The following SOX5 variants were observed in gnomAD, a reference collection of about 807,000 sequenced individuals.
SOX5 encodes transcription factor SOX-5.
SOX5 carries 9 observed loss-of-function variants against 92.0 expected under a neutral mutation model. The ratio of observed to expected loss-of-function variants is 0.10; its 90% CI spans 0.06 to 0.17. The LOEUF is 0.17. Ranked by LOEUF, SOX5 falls within the 10% of genes least tolerant of loss-of-function variation. The probability of loss-of-function intolerance (pLI) is 1.00; values close to 1 mark genes in which losing one functional copy is unlikely to be tolerated. For synonymous variants in SOX5, 344 were observed against 336.3 expected (o/e 1.02, Z -0.25); for missense variants, 642 against 944.5 (o/e 0.68, Z 4.20).
At chr12:23,693,173 A>C (rs186472256) in intron 6 of SOX5, among the ~76,000 whole-genome samples, 41 of 152,224 alleles carry the variant, frequency 2.7e-4, no homozygotes, top group African/African-American at 8.2e-4. Context: ...CCCAGGCTGG[A>C]GTGCAAGTGG....
chr12:24,333,675 C>T (rs79935168), intron 2 of SOX5, among the ~76,000 whole-genome samples: 2,859 of 151,988 alleles, frequency 0.019, 99 homozygotes, highest in African/African-American at 0.065. Flanking sequence ...ATACAACAGG[C>T]TAGCAAAACA....
chr12:24,328,260 C>T (rs912982269), intron 2 of SOX5, among the ~76,000 whole-genome samples: 3 of 152,166 alleles, frequency 2.0e-5, no homozygotes, highest in African/African-American at 7.2e-5. Context: ...ATATTTGAAA[C>T]CTTAACAATA....
At chr12:23,576,548 C>T (rs1282111795) in intron 9 of SOX5, among the ~76,000 whole-genome samples, 1 of 152,062 alleles carries the variant, frequency 6.6e-6, no homozygotes, top group East Asian at 1.9e-4. Flanking sequence ...TCTTTCAGTA[C>T]CTGGTTTCTC....
intron 6 of SOX5, 71 bp from the exon 7 acceptor site, chr12:23,665,635 T>C (rs2083672733): frequency 6.7e-7 from 1 of 1,496,220 alleles, no homozygotes; most frequent in African/African-American, 1.4e-5. Context: ...ACCCTCCTTA[T>C]TTCATGATAA....
At chr12:24,557,942 T>C (rs1156524843) in intron 1 of SOX5, among the ~76,000 whole-genome samples, 1 of 152,210 alleles carries the variant, frequency 6.6e-6, no homozygotes, top group African/African-American at 2.4e-5. Context: ...ATTTTGTCAA[T>C]ATGCTGCCCC....
intron 2 of SOX5, among the ~76,000 whole-genome samples, chr12:23,867,429 C>T (rs1319622766): frequency 6.6e-6 from 1 of 152,106 alleles, no homozygotes; most frequent in Non-Finnish European, 1.5e-5. Flanking sequence ...CCTGTCTGAA[C>T]TTTAATTTTC....
chr12:24,300,076 C>G (rs540906449), intron 2 of SOX5, among the ~76,000 whole-genome samples: 2 of 152,102 alleles, frequency 1.3e-5, no homozygotes, highest in African/African-American at 4.8e-5. Flanking sequence ...GAGAACAAAG[C>G]GAAACACTGC....
At chr12:23,824,158 G>A (rs772106430) in intron 3 of SOX5, among the ~76,000 whole-genome samples, 1 of 152,122 alleles carries the variant, frequency 6.6e-6, no homozygotes, top group Non-Finnish European at 1.5e-5. Flanking sequence ...TTGTTCCCTT[G>A]CTGGCGAGGA....
chr12:24,257,154 T>C (rs1476227116), intron 3 of SOX5, among the ~76,000 whole-genome samples: 6 of 152,236 alleles, frequency 3.9e-5, no homozygotes, highest in Non-Finnish European at 8.8e-5. Flanking sequence ...AATGTTTCTT[T>C]CCTGCAAAGA....
intron 4 of SOX5, among the ~76,000 whole-genome samples, chr12:24,207,085 T>A (rs71450426): frequency 0.032 from 4,845 of 152,328 alleles, 89 homozygotes; most frequent in Middle Eastern, 0.058. Context: ...GTTTGGCAGA[T>A]CTCTGTAACA....
chr12:24,062,115 G>A (rs1939844324), intron 4 of SOX5, among the ~76,000 whole-genome samples: 1 of 152,142 alleles, frequency 6.6e-6, no homozygotes, highest in South Asian at 2.1e-4. Context: ...GGCTTAAGAG[G>A]CAGACTGACA....
intron 1 of SOX5, among the ~76,000 whole-genome samples, chr12:24,538,220 C>T (rs1951809766): frequency 6.6e-6 from 1 of 152,154 alleles, no homozygotes; most frequent in South Asian, 2.1e-4. Context: ...GCTGAAGTGC[C>T]AGCCTTGCAG....
chr12:24,545,143 T>C (rs1204439075), intron 1 of SOX5, among the ~76,000 whole-genome samples: 1 of 152,148 alleles, frequency 6.6e-6, no homozygotes, highest in Admixed American at 6.5e-5. Flanking sequence ...AGCAACACTA[T>C]ACCCCGTACA....
intron 1 of SOX5, among the ~76,000 whole-genome samples, chr12:23,949,042 G>A (rs745778453): frequency 6.6e-6 from 1 of 151,976 alleles, no homozygotes; most frequent in Admixed American, 6.6e-5. Flanking sequence ...GGGAAAAAAC[G>A]CTCTCTTATA....
Position 23,923,288 on chromosome 12 carries a change from A to AAAAT in SOX5, c.38+26272_38+26275dup, listed in dbSNP as rs534815561. Among the ~76,000 whole-genome samples the AAAAT allele has an allele frequency of 1.0e-3, 100 of 97,950 alleles. 1 individual carries two copies. In the South Asian group the frequency reaches 0.021, roughly 21 times the overall value. 64.3% of individuals were successfully genotyped at this position (97,950 alleles called of 152,430 possible). A position where few individuals can be genotyped will look rare whatever the true frequency, so the allele number is the denominator to read the frequency against. On this transcript the variant is annotated intron_variant, in intron 1 of 14. Transcript: ENST00000451604. The stretch of plus-strand genomic sequence containing the variant: ...TTAAAGGATGAGGTTAAACCACCCA[A>AAAAT]AAATAAATGAATGAATGAATGAATG...
intron 3 of SOX5, among the ~76,000 whole-genome samples, chr12:23,797,598 T>C (rs1713128207): frequency 1.3e-5 from 2 of 152,004 alleles, no homozygotes; most frequent in Admixed American, 6.6e-5. Flanking sequence ...TGAGAGCAAA[T>C]GCCACGTACC....
chr12:24,079,311 T>G (rs902323755), intron 4 of SOX5, among the ~76,000 whole-genome samples: 2 of 151,994 alleles, frequency 1.3e-5, no homozygotes, highest in African/African-American at 4.8e-5. Context: ...GAAAGGGTTT[T>G]TCTGCCAAGA....
At chr12:24,479,300 TTGTA>T (rs1480569474) in intron 1 of SOX5, among the ~76,000 whole-genome samples, 2 of 152,226 alleles carry the variant, frequency 1.3e-5, no homozygotes, top group African/African-American at 4.8e-5. Context: ...ATCTCTCTTA[TTGTA>T]TGTGTCATTT....
At chr12:24,279,028 A>G (rs1045688778) in intron 2 of SOX5, among the ~76,000 whole-genome samples, 9 of 152,052 alleles carry the variant, frequency 5.9e-5, no homozygotes, top group African/African-American at 2.2e-4. Context: ...TGGTAATTTT[A>G]CCCACAAGAG....
Sources: gnomAD v4.1 joint callset for allele counts (sites outside exome capture counted in the v4.1 genomes callset) on GRCh38, gnomAD v4.1.1 for gene constraint, MANE v1.5 for transcripts, NCBI Gene and HGNC (gene_info 2026-07-23, HGNC 2026-07-21) for gene names.